ERG: variants seen among roughly 807,000 people sequenced by gnomAD.
ERG encodes ETS transcription factor ERG, also known as transcriptional regulator ERG.
ERG carries 9 observed loss-of-function variants against 55.3 expected under a neutral mutation model. The ratio of observed to expected loss-of-function variants is 0.16; its 90% CI spans 0.10 to 0.28. ERG has a LOEUF of 0.28. Among genes scored for constraint, ERG ranks in the 10% least tolerant of loss-of-function variants. The pLI is 1.00. For synonymous variants in ERG, 223 were observed against 237.3 expected, an observed-to-expected ratio of 0.94 and a Z score of 0.55; for missense variants, 434 against 631.6, an observed-to-expected ratio of 0.69 and a Z score of 3.35.
chr21:38,453,442 T>A (rs907007465), intron 1 of ERG, among the ~76,000 whole-genome samples: 1 of 152,262 alleles, frequency 6.6e-6, no homozygotes, highest in Non-Finnish European at 1.5e-5. Flanking sequence ...TTAAAACAAC[T>A]CTGTTTTCTC....
intron 2 of ERG, among the ~76,000 whole-genome samples, chr21:38,548,096 C>A (rs571313333): frequency 6.6e-6 from 1 of 151,994 alleles, no homozygotes; most frequent in Non-Finnish European, 1.5e-5. Context: ...TTTCTTCTAG[C>A]CCGTAAGGTC....
Position 38,423,558 on chromosome 21 carries a change from G to T in ERG, c.240C>A (p.Asn80Lys). The T allele has an allele frequency of 3.1e-6, 5 of 1,605,970 alleles. No individual in the cohort carries two copies. Among genetic ancestry groups the T allele is most frequent in the Non-Finnish European group, 4.3e-6 (5 of 1,174,380 alleles). Reference sequence around the variant, plus strand: ...TGGCCACACTGCATTCATCAGGAGAGTTCCTGGAGGAGAAGAAATATTCTT... The same window carrying T: ...TGGCCACACTGCATTCATCAGGAGATTTCCTGGAGGAGAAGAAATATTCTT... Reference protein sequence around the residue: ...CNPSQVNGSRNSPDECSVAKG... With the variant: ...CNPSQVNGSRKSPDECSVAKG... The change falls in exon 3 of 10, where the codon AAC becomes AAA. Residue 80 changes from asparagine to lysine, a missense_variant. Coordinates refer to ENST00000288319, the MANE Select transcript of ERG (RefSeq NM_182918.4).
Position 38,403,712 on chromosome 21 carries a change from G to A in ERG, c.389-3C>T, listed in dbSNP as rs201298524. ...GTCTGTACTCCATAGCGTAGGATCT[G>A]AAAGGGGTGGGAACACATTCAGTCA... On this transcript the variant is annotated splice_region_variant and splice_polypyrimidine_tract_variant and intron_variant, in intron 3 of 9. Coordinates refer to ENST00000288319, the MANE Select transcript of ERG (RefSeq NM_182918.4). 1.5e-4 allele frequency: 240 copies of A among 1,613,940 alleles called. 2 individuals carry two copies. The African/African-American group carries it at 2.1e-3, about 14-fold the overall frequency.
intron 2 of ERG, among the ~76,000 whole-genome samples, chr21:38,426,822 C>G (rs150932075): frequency 6.6e-6 from 1 of 151,502 alleles, no homozygotes; most frequent in Non-Finnish European, 1.5e-5. Flanking sequence ...CCCAGCTACT[C>G]GGGAGGCTGA....
chr21:38,529,410 A>C (rs2059655756), intron 2 of ERG, among the ~76,000 whole-genome samples: 1 of 152,196 alleles, frequency 6.6e-6, no homozygotes. Context: ...GGGAGCCTAC[A>C]GAACTTGTTG....
intron 1 of ERG, among the ~76,000 whole-genome samples, chr21:38,576,521 C>G (rs1351253656): frequency 2.0e-5 from 3 of 152,188 alleles, no homozygotes; most frequent in Non-Finnish European, 4.4e-5. Context: ...TTTAAAGATG[C>G]CTATAATCCA....
chr21:38,565,553 T>A (rs1214108286), intron 2 of ERG, among the ~76,000 whole-genome samples: 2 of 152,194 alleles, frequency 1.3e-5, no homozygotes, highest in Non-Finnish European at 2.9e-5. Flanking sequence ...TACTTGAAAG[T>A]GCCAGGAGAG....
At chr21:38,620,972 C>T (rs1368697179) in intron 1 of ERG, among the ~76,000 whole-genome samples, 1 of 152,224 alleles carries the variant, frequency 6.6e-6, no homozygotes, top group Non-Finnish European at 1.5e-5. Context: ...AAGGATGATG[C>T]CATCAGTTTT....
At chr21:38,431,286 C>T (rs188993261) in intron 2 of ERG, among the ~76,000 whole-genome samples, 38 of 152,248 alleles carry the variant, frequency 2.5e-4, no homozygotes, top group Admixed American at 6.5e-4. Flanking sequence ...ATTTTCAAGC[C>T]CCCAGACATG....
intron 2 of ERG, among the ~76,000 whole-genome samples, chr21:38,567,022 G>GC (rs748196941): frequency 6.6e-6 from 1 of 152,210 alleles, no homozygotes; most frequent in Non-Finnish European, 1.5e-5. Flanking sequence ...TTAAGTTGGT[G>GC]CCCCCTACTG....
At chr21:38,632,551 G>A (rs545586340) in intron 1 of ERG, among the ~76,000 whole-genome samples, 11 of 152,242 alleles carry the variant, frequency 7.2e-5, no homozygotes, top group African/African-American at 2.2e-4. Context: ...TGTTGTTCTC[G>A]TGATAGTGAA....
intron 2 of ERG, among the ~76,000 whole-genome samples, chr21:38,548,122 C>T (rs2059799618): frequency 6.6e-6 from 1 of 151,934 alleles, no homozygotes; most frequent in Admixed American, 6.6e-5. Context: ...AAGAGGAATA[C>T]CTGAAAAGAT....
intron 1 of ERG, among the ~76,000 whole-genome samples, chr21:38,492,292 A>G (rs2056080320): frequency 6.6e-6 from 1 of 152,224 alleles, no homozygotes; most frequent in Admixed American, 6.5e-5. Context: ...CATAACAAGC[A>G]GTTATTAGGA....
chr21:38,460,850 A>G lies in ERG; in HGVS notation c.19-15229T>C, dbSNP rs1425168225. Among the ~76,000 whole-genome samples, 1 of 152,198 alleles carries G rather than the reference A, an allele frequency of 6.6e-6. No homozygotes were observed. The highest frequency in any genetic ancestry group is 6.5e-5 in the Admixed American group (1 of 15,292). Reference sequence around the variant, plus strand: ...GAGCTCTGAATGGCAAATGGCAGACAATGGTGTCACTTCCTTTCTGCTTAG... The same window carrying G: ...GAGCTCTGAATGGCAAATGGCAGACGATGGTGTCACTTCCTTTCTGCTTAG... On this transcript the variant is annotated intron_variant, in intron 1 of 9. Coordinates refer to ENST00000288319, the MANE Select transcript of ERG (RefSeq NM_182918.4). This position sits in a 1 kb window ranked among gnomAD's most constrained non-coding sequence, Gnocchi z 5.0.
chr21:38,383,988 T>G lies in ERG; in HGVS notation c.920-65A>C. The G allele has an allele frequency of 6.5e-7, 1 of 1,543,180 alleles. No homozygotes were observed. Among genetic ancestry groups the G allele is most frequent in the South Asian group, 1.2e-5 (1 of 80,756 alleles). On this transcript the variant is annotated intron_variant, in intron 9 of 9. Coordinates refer to ENST00000288319, the MANE Select transcript of ERG (RefSeq NM_182918.4). This position sits in a 1 kb window ranked among gnomAD's most constrained non-coding sequence, Gnocchi z 5.7. ...CAGGTTCCAGGGGAAAGAGGCTCTC[T>G]GTGATGACGGAAGGAGGTGCTATTG...
chr21:38,487,433 G>A (rs2146666660), intron 1 of ERG, among the ~76,000 whole-genome samples: 1 of 152,210 alleles, frequency 6.6e-6, no homozygotes, highest in South Asian at 2.1e-4. Flanking sequence ...TGGAGATACT[G>A]AACCTGTATT....
chr21:38,609,547 C>T (rs201619667), intron 1 of ERG, among the ~76,000 whole-genome samples: 71 of 152,188 alleles, frequency 4.7e-4, no homozygotes, highest in South Asian at 8.3e-4. Context: ...AAAATCAGTA[C>T]GTGAACTCAA....
intron 1 of ERG, among the ~76,000 whole-genome samples, chr21:38,494,125 G>A (rs1042477697): frequency 9.8e-5 from 15 of 152,316 alleles, no homozygotes; most frequent in African/African-American, 3.4e-4. Flanking sequence ...GGAAGCAAAT[G>A]CAAGTGTGTC....
intron 2 of ERG, among the ~76,000 whole-genome samples, chr21:38,425,847 T>C (rs964899509): frequency 3.9e-5 from 6 of 152,194 alleles, no homozygotes; most frequent in Non-Finnish European, 8.8e-5. Context: ...AGGAGCGCAC[T>C]TTCTGAGTGG....
Sources: gnomAD v4.1 joint callset for allele counts (sites outside exome capture counted in the v4.1 genomes callset) on GRCh38, gnomAD v4.1.1 for gene constraint, Gnocchi (gnomAD v3.1) non-coding constraint, MANE v1.5 for transcripts, NCBI Gene and HGNC (gene_info 2026-07-23, HGNC 2026-07-21) for gene names.